The following CDH8 variants were observed in gnomAD, a reference collection of about 807,000 sequenced individuals.
CDH8 encodes cadherin 8.
A neutral mutation model predicts 68.1 loss-of-function variants in CDH8; 17 were observed. The ratio of observed to expected loss-of-function variants is 0.25; its 90% CI spans 0.17 to 0.37. The LOEUF (loss-of-function observed/expected upper bound fraction) is 0.37, where lower values mean the gene tolerates loss of function less well. Ranked by LOEUF, CDH8 falls within the 10% of genes least tolerant of loss-of-function variation. The pLI, the probability that CDH8 is intolerant of heterozygous loss-of-function variation, is 1.00. For synonymous variants in CDH8, 372 were observed against 365.1 expected, an observed-to-expected ratio of 1.02 and a Z score of -0.21; for missense variants, 763 against 999.3, an observed-to-expected ratio of 0.76 and a Z score of 3.19.
intron 11 of CDH8, 54 bp from the exon 12 acceptor site, chr16:61,654,155 G>A: frequency 2.0e-6 from 3 of 1,516,860 alleles, no homozygotes; most frequent in South Asian, 1.2e-5. Flanking sequence ...AATTTCACAA[G>A]CAACACACTA....
At chr16:61,719,998 C>CAA (rs1555505172) in intron 9 of CDH8, among the ~76,000 whole-genome samples, 2 of 84,472 alleles carry the variant, frequency 2.4e-5, no homozygotes, top group African/African-American at 4.4e-5. Context: ...TTAGGTAACA[C>CAA]ACACACACAC....
At position 61,746,442 on chromosome 16, in the gene CDH8, C is replaced by T. The variant is rs562607195; in HGVS notation, c.1415-19227G>A. On this transcript the variant is annotated intron_variant, in intron 8 of 11. Transcript: ENST00000577390. ...CTCTGGTATCTGAGTTCCTTAGTTG[C>T]TGGCTGCCTTTAAATCATGTTGTTC... 1.3e-4 allele frequency among the ~76,000 whole-genome samples: 20 copies of T among 151,952 alleles called. No homozygotes were observed. In the South Asian group the frequency reaches 3.9e-3, roughly 30 times the overall value.
At position 61,863,000 on chromosome 16, in the gene CDH8, G is replaced by A. The variant is rs901795853; in HGVS notation, c.548-5762C>T. Among the ~76,000 whole-genome samples, 3 of 152,058 alleles carry A rather than the reference G, an allele frequency of 2.0e-5. No individual in the cohort carries two copies. In the East Asian group the frequency reaches 5.8e-4, roughly 29 times the overall value. On this transcript the variant is annotated intron_variant, in intron 3 of 11. Transcript: ENST00000577390. ...GACACTGTGCCATTTCTCCAAGAAAGCCCCTATTATAATCCAACTTGATAC... is the reference window on the plus strand; with the variant it reads ...GACACTGTGCCATTTCTCCAAGAAAACCCCTATTATAATCCAACTTGATAC...
chr16:61,954,447 C>T (rs1053909377), intron 2 of CDH8, among the ~76,000 whole-genome samples: 2 of 151,890 alleles, frequency 1.3e-5, no homozygotes, highest in African/African-American at 2.4e-5. Context: ...GATAAATACT[C>T]GAAATGCACT....
intron 1 of CDH8, among the ~76,000 whole-genome samples, chr16:62,034,823 C>T (rs1279076004): frequency 6.6e-6 from 1 of 152,190 alleles, no homozygotes; most frequent in Non-Finnish European, 1.5e-5. Flanking sequence ...GAGCAGCTGC[C>T]AGCCCGATTT....
chr16:62,025,644 T>A (rs1367938101), intron 1 of CDH8, among the ~76,000 whole-genome samples: 1 of 152,176 alleles, frequency 6.6e-6, no homozygotes, highest in African/African-American at 2.4e-5. Context: ...TCTCTTAGAT[T>A]TTGCCAAATT....
At chr16:61,855,560 A>G (rs1402756547) in intron 4 of CDH8, among the ~76,000 whole-genome samples, 1 of 152,116 alleles carries the variant, frequency 6.6e-6, no homozygotes, top group Non-Finnish European at 1.5e-5. Flanking sequence ...TAGGTATGTC[A>G]ATAGGTATTT....
rs113459719 is a variant in CDH8, at chr16:62,021,023, G to A, written c.252+129C>T. On this transcript the variant is annotated intron_variant, in intron 2 of 11. Transcript: ENST00000577390. The stretch of plus-strand genomic sequence containing the variant: ...AATCGTATTCCTAACAGAACGACAG[G>A]TAAACTCACTAAACATCTGGCTTGA... 1,225 of 800,516 alleles carry A rather than the reference G, an allele frequency of 1.5e-3. 7 individuals are homozygous for A. The highest frequency in any genetic ancestry group is 9.0e-3 in the African/African-American group (520 of 57,468). The allele number at this position is 800,516 out of a possible 1,614,324, so 49.6% of individuals were successfully genotyped here.
chr16:61,755,553 GAA>G (rs1316479992), intron 8 of CDH8, among the ~76,000 whole-genome samples: 1 of 152,026 alleles, frequency 6.6e-6, no homozygotes, highest in African/African-American at 2.4e-5. Context: ...TCAGTTTCAA[GAA>G]AAGTTTACAT....
chr16:61,648,992 C>A lies in CDH8; in HGVS notation c.*4616G>T, dbSNP rs1431776268. 6.6e-6 allele frequency: 1 copy of A among 151,786 alleles called. No homozygotes were observed. The highest frequency in any genetic ancestry group is 2.4e-5 in the African/African-American group (1 of 41,346). The allele number at this position is 151,786 out of a possible 1,614,324, so 9.4% of individuals were successfully genotyped here. A position where few individuals can be genotyped will look rare whatever the true frequency, so the allele number is the denominator to read the frequency against. On this transcript the variant is annotated 3_prime_UTR_variant, in exon 12 of 12. Transcript: ENST00000577390. ...GCTCTTCTACAATTATCATAAGAAGCAATAATTACAAGGGCAAATAATACA... is the reference window on the plus strand; with the variant it reads ...GCTCTTCTACAATTATCATAAGAAGAAATAATTACAAGGGCAAATAATACA...
intron 3 of CDH8, among the ~76,000 whole-genome samples, chr16:61,872,414 T>C (rs994087113): frequency 6.6e-6 from 1 of 152,046 alleles, no homozygotes; most frequent in Non-Finnish European, 1.5e-5. Context: ...TCCAGAAAGG[T>C]GGGACAACTC....
In CDH8 at chr16:61,936,131, A is replaced by G. The variant is rs149450597; in HGVS notation, c.253-34658T>C. On this transcript the variant is annotated intron_variant, in intron 2 of 11. Coordinates refer to ENST00000577390, the MANE Select transcript of CDH8 (RefSeq NM_001796.5). ...TGTAAGAATTCAATAAGCTAAATAC[A>G]TTAAAAGAATTTAAAGCATATCTGT... Among the ~76,000 whole-genome samples the G allele has an allele frequency of 2.8e-3, 433 of 152,328 alleles. 2 individuals are homozygous for G. The highest frequency in any genetic ancestry group is 8.7e-3 in the African/African-American group (362 of 41,570).
At chr16:61,756,228 A>G (rs996096190) in intron 8 of CDH8, among the ~76,000 whole-genome samples, 3 of 152,186 alleles carry the variant, frequency 2.0e-5, no homozygotes, top group Non-Finnish European at 1.5e-5. Flanking sequence ...ATTTTCTTGT[A>G]CATTTTCTGT....
At chr16:61,742,692 G>T (rs1567449538) in intron 8 of CDH8, among the ~76,000 whole-genome samples, 1 of 152,066 alleles carries the variant, frequency 6.6e-6, no homozygotes, top group Non-Finnish European at 1.5e-5. Flanking sequence ...TAATGTTTTG[G>T]TATATTAGTG....
chr16:61,799,229 G>A (rs960424500), intron 7 of CDH8, among the ~76,000 whole-genome samples: 14 of 152,114 alleles, frequency 9.2e-5, no homozygotes, highest in African/African-American at 3.1e-4. Context: ...GATCGTGCCT[G>A]TCATACTTCT....
At chr16:61,887,390 G>A (rs1963694600) in intron 3 of CDH8, among the ~76,000 whole-genome samples, 2 of 152,118 alleles carry the variant, frequency 1.3e-5, no homozygotes, top group Non-Finnish European at 2.9e-5. Flanking sequence ...CAGACCGGGT[G>A]GCTTAAACAG....
intron 10 of CDH8, among the ~76,000 whole-genome samples, chr16:61,704,265 A>C (rs1342726970): frequency 1.3e-5 from 2 of 152,228 alleles, no homozygotes; most frequent in Non-Finnish European, 2.9e-5. Context: ...ATAGCTTTAC[A>C]AAATGCTTCT....
chr16:61,841,437 C>T (rs1962681357), intron 4 of CDH8, among the ~76,000 whole-genome samples: 1 of 152,126 alleles, frequency 6.6e-6, no homozygotes. Context: ...GAAAGACAAA[C>T]ATCACATGTT....
intron 3 of CDH8, among the ~76,000 whole-genome samples, chr16:61,885,410 C>T (rs572847770): frequency 1.3e-5 from 2 of 152,328 alleles, no homozygotes; most frequent in South Asian, 4.1e-4. Context: ...GAATTACTAT[C>T]TATGTTCATG....
Sources: gnomAD v4.1 joint callset for allele counts (sites outside exome capture counted in the v4.1 genomes callset) on GRCh38, gnomAD v4.1.1 for gene constraint, MANE v1.5 for transcripts, NCBI Gene and HGNC (gene_info 2026-07-23, HGNC 2026-07-21) for gene names.